NQO1: variants seen among roughly 807,000 people sequenced by gnomAD.
NQO1 encodes NAD(P)H dehydrogenase [quinone] 1.
Under a neutral mutation model 32.1 loss-of-function variants are expected in NQO1, and 30 were observed. The observed-to-expected ratio is 0.94, with a 90% CI of 0.70 to 1.27. NQO1 has a LOEUF of 1.27. Ranked by LOEUF, NQO1 falls within the 50% of genes most tolerant of loss-of-function variation. NQO1 has a pLI of 0.00. For synonymous variants in NQO1, 109 were observed against 119.7 expected, an observed-to-expected ratio of 0.91 and a Z score of 0.59; for missense variants, 276 against 331.3, an observed-to-expected ratio of 0.83 and a Z score of 1.30.
At chr16:69,712,973 A>T in intron 5 of NQO1, 55 bp downstream of exon 5, 1 of 1,413,054 alleles carries the variant, frequency 7.1e-7, no homozygotes, top group Non-Finnish European at 9.9e-7. Flanking sequence ...AGCCTAGATG[A>T]CAGAGTGAGA....
chr16:69,710,707 T>TGTCGGTGGTC lies in NQO1; in HGVS notation c.*268_*269insGACCACCGAC. On this transcript the variant is annotated 3_prime_UTR_variant, in exon 6 of 6. Coordinates refer to ENST00000320623, the MANE Select transcript of NQO1 (RefSeq NM_000903.3). ...AAAAAGAGGAATTAAATTGTGTAGA[T>TGTCGGTGGTC]GCCTTTAAAGAACATTTTTCTAGCA... 1 of 436,312 alleles carries TGTCGGTGGTC rather than the reference T, an allele frequency of 2.3e-6. No homozygotes were observed. 27.0% of individuals were successfully genotyped at this position (436,312 alleles called of 1,614,324 possible).
chr16:69,726,187 C>T (rs16959116), intron 1 of NQO1, among the ~76,000 whole-genome samples: 2,856 of 152,278 alleles, frequency 0.019, 97 homozygotes, highest in African/African-American at 0.061. Context: ...CTTCCAAGGT[C>T]AAGTTTCTCC....
At chr16:69,726,244 A>T (rs2038259934) in intron 1 of NQO1, among the ~76,000 whole-genome samples, 189 bp downstream of exon 1, 1 of 152,016 alleles carries the variant, frequency 6.6e-6, no homozygotes, top group Non-Finnish European at 1.5e-5. Context: ...AGGATCCGCG[A>T]CACCGGATAC....
chr16:69,715,256 G>A (rs1004869794), intron 3 of NQO1, among the ~76,000 whole-genome samples, 179 bp from the exon 4 acceptor site: 2 of 152,218 alleles, frequency 1.3e-5, no homozygotes, highest in Non-Finnish European at 2.9e-5. Flanking sequence ...TCCTTGGTCA[G>A]CCAACTTGAC....
chr16:69,718,243 C>G lies in NQO1; in HGVS notation c.183G>C (p.Lys61Asn). The G allele has an allele frequency of 6.2e-7, 1 of 1,614,076 alleles. No individual in the cohort carries two copies. Among genetic ancestry groups the G allele is most frequent in the Non-Finnish European group, 8.5e-7 (1 of 1,180,014 alleles). Residue 61 changes from lysine to asparagine, a missense_variant, in exon 3 of 6, where the codon AAG becomes AAC. Physicochemically the swap from Lys to Asn is moderately conservative, Grantham distance 94 (BLOSUM62 0). Coordinates refer to ENST00000320623, the MANE Select transcript of NQO1 (RefSeq NM_000903.3). ...CAGGATACTGAAAGTTCGCAGGGTCCTTCAGTTTACCTGCAGAGAAGAAAA... is the reference window on the plus strand; with the variant it reads ...CAGGATACTGAAAGTTCGCAGGGTCGTTCAGTTTACCTGCAGAGAAGAAAA... ...ISRKDITGKL[K>N]DPANFQYPAE...
At chr16:69,721,290 T>C (rs2038186087) in intron 1 of NQO1, among the ~76,000 whole-genome samples, 2 of 152,190 alleles carry the variant, frequency 1.3e-5, no homozygotes, top group African/African-American at 2.4e-5. Context: ...AGATGGGGCC[T>C]GTGATAGGTG....
intron 4 of NQO1, among the ~76,000 whole-genome samples, 153 bp downstream of exon 4, chr16:69,714,811 G>A (rs981608776): frequency 3.9e-5 from 6 of 151,946 alleles, no homozygotes; most frequent in Admixed American, 1.3e-4. Flanking sequence ...CTCAGGAGGT[G>A]GAGGTTGCAG....
chr16:69,713,101 G>A lies in NQO1; in HGVS notation c.446C>T (p.Thr149Ile). 6.2e-7 allele frequency: 1 copy of A among 1,614,144 alleles called. No individual in the cohort carries two copies. Among genetic ancestry groups the A allele is most frequent in the Non-Finnish European group, 8.5e-7 (1 of 1,179,986 alleles). Residue 149 changes from threonine (T) to isoleucine (I), a missense_variant, in exon 5 of 6, where the codon ACT (threonine) becomes ATT (isoleucine). Coordinates refer to ENST00000320623, the MANE Select transcript of NQO1 (RefSeq NM_000903.3). ...AGAGTACATGGAGCCACTGCCACCA[G>A]TGGTGATGGAAAGCACTGCCTTCTT... Reference protein sequence around the residue: ...RSKKAVLSITTGGSGSMYSLQ... With the variant: ...RSKKAVLSITIGGSGSMYSLQ...
intron 1 of NQO1, among the ~76,000 whole-genome samples, chr16:69,722,723 C>G (rs111255533): frequency 3.3e-5 from 5 of 152,112 alleles, no homozygotes; most frequent in African/African-American, 1.2e-4. Flanking sequence ...TTTCAATGCG[C>G]TGGAAGTGAT....
intron 1 of NQO1, among the ~76,000 whole-genome samples, chr16:69,719,474 G>T (rs1261897687): frequency 6.6e-6 from 1 of 152,034 alleles, no homozygotes; most frequent in Non-Finnish European, 1.5e-5. Flanking sequence ...AGGATATTTT[G>T]CTGTTAACAA....
intron 3 of NQO1, 148 bp from the exon 4 acceptor site, chr16:69,715,225 T>C (rs1275541188): frequency 1.6e-6 from 1 of 628,172 alleles, no homozygotes; most frequent in South Asian, 1.8e-5. Context: ...GTTAGCACTT[T>C]AAGGAAAGAG....
At chr16:69,719,674 G>A (rs1422557342) in intron 1 of NQO1, among the ~76,000 whole-genome samples, 2 of 152,156 alleles carry the variant, frequency 1.3e-5, no homozygotes, top group Non-Finnish European at 2.9e-5. Flanking sequence ...TCGGGAGCCT[G>A]AGGCAGGAGA....
intron 4 of NQO1, among the ~76,000 whole-genome samples, chr16:69,713,662 C>A (rs569136020): frequency 2.4e-4 from 37 of 152,060 alleles, no homozygotes; most frequent in Admixed American, 5.2e-4. Flanking sequence ...TAGCTCGACC[C>A]ATGACCCCCT....
chr16:69,722,915 G>A (rs931894042), intron 1 of NQO1, among the ~76,000 whole-genome samples: 5 of 152,124 alleles, frequency 3.3e-5, no homozygotes, highest in South Asian at 4.2e-4. Context: ...ACTGATCGCC[G>A]CTCTGACAGT....
intron 4 of NQO1, among the ~76,000 whole-genome samples, chr16:69,713,515 G>A (rs2038068778): frequency 6.6e-6 from 1 of 152,178 alleles, no homozygotes; most frequent in African/African-American, 2.4e-5. Flanking sequence ...GGTTCCCTGT[G>A]CAGGATTTGG....
chr16:69,713,793 C>G (rs1265613099), intron 4 of NQO1, among the ~76,000 whole-genome samples: 6 of 151,708 alleles, frequency 4.0e-5, no homozygotes, highest in East Asian at 1.9e-4. Flanking sequence ...TGCAAACTGT[C>G]TCCCGGGTTC....
rs1445457481 is a variant in NQO1, at chr16:69,709,915, C to A, written c.*1061G>T. ...TAACCTTCTGAAAATTTGTATAGAT[C>A]AGAAATAAAGTATTTTTTGTGGAAG... is the stretch of plus-strand genomic sequence containing the variant. On this transcript the variant is annotated 3_prime_UTR_variant, in exon 6 of 6. Transcript: ENST00000320623. The A allele has an allele frequency of 2.5e-6, 1 of 398,106 alleles. No individual in the cohort carries two copies. The highest frequency in any genetic ancestry group is 1.3e-4 in the South Asian group (1 of 7,748). 24.7% of individuals were successfully genotyped at this position (398,106 alleles called of 1,614,324 possible).
At chr16:69,714,543 C>T (rs576158116) in intron 4 of NQO1, among the ~76,000 whole-genome samples, 97 of 151,942 alleles carry the variant, frequency 6.4e-4, no homozygotes, top group African/African-American at 1.9e-3. Context: ...GCGTCTCTCC[C>T]GAAGGACCTG....
At position 69,718,131 on chromosome 16, in the gene NQO1, T is replaced by C; in HGVS notation, c.295A>G (p.Ile99Val). 6.2e-7 allele frequency: 1 copy of C among 1,614,004 alleles called. No individual in the cohort carries two copies. The highest frequency in any genetic ancestry group is 1.1e-5 in the South Asian group (1 of 91,072). Reference sequence around the variant, plus strand: ...CCGATGTCCCCCCATACCTGGAATATCACAAGGTCTGCGGCTTCCAGCTTC... The same window carrying C: ...CCGATGTCCCCCCATACCTGGAATACCACAAGGTCTGCGGCTTCCAGCTTC... ...QKKLEAADLVIFQFPLQWFGV... is the reference protein window; with the variant it reads ...QKKLEAADLVVFQFPLQWFGV... The change falls in exon 3 of 6, where the codon ATA becomes GTA. Residue 99 changes from isoleucine to valine, a missense_variant. Ile to Val is a conservative substitution (Grantham distance 29). Transcript: ENST00000320623.
Sources: gnomAD v4.1 joint callset for allele counts (sites outside exome capture counted in the v4.1 genomes callset) on GRCh38, gnomAD v4.1.1 for gene constraint, MANE v1.5 for transcripts, NCBI Gene and HGNC (gene_info 2026-07-23, HGNC 2026-07-21) for gene names.